ONECUT2: variants seen among roughly 807,000 people sequenced by gnomAD.
ONECUT2 encodes one cut domain family member 2.
ONECUT2 carries 10 observed loss-of-function variants against 27.9 expected under a neutral mutation model. The observed-to-expected ratio is 0.36, with a 90% confidence interval of 0.22 to 0.61. The LOEUF (loss-of-function observed/expected upper bound fraction) is 0.61, where lower values mean the gene tolerates loss of function less well. Among genes scored for constraint, ONECUT2 ranks in the 20% least tolerant of loss-of-function variants. The pLI, the probability that ONECUT2 is intolerant of heterozygous loss-of-function variation, is 0.73. For missense variants in ONECUT2, 686 were observed against 721.0 expected, an observed-to-expected ratio of 0.95 and a Z score of 0.56; for synonymous variants, 334 against 315.1, an observed-to-expected ratio of 1.06 and a Z score of -0.64.
intron 1 of ONECUT2, among the ~76,000 whole-genome samples, chr18:57,466,256 G>T (rs1169620771): frequency 6.6e-6 from 1 of 152,208 alleles, no homozygotes; most frequent in Non-Finnish European, 1.5e-5. Flanking sequence ...GGAGGACTCA[G>T]ATGTTATTTT....
chr18:57,476,481 T>C lies in ONECUT2; in HGVS notation c.1273T>C (p.Ser425Pro). The C allele has an allele frequency of 6.2e-6, 10 of 1,614,238 alleles. No homozygotes were observed. The highest frequency in any genetic ancestry group is 6.8e-6 in the Non-Finnish European group (8 of 1,180,042). Residue 425 changes from serine to proline, a missense_variant, in exon 2 of 2, where the codon TCC (serine) becomes CCC (proline). Transcript: ENST00000491143. ...AGAACCAAACAAAGACAGGAACAAT[T>C]CCCAGAAGAAGTCCCGCCTGGTGTT... Reference protein sequence around the residue: ...EQEPNKDRNNSQKKSRLVFTD... With the variant: ...EQEPNKDRNNPQKKSRLVFTD...
chr18:57,449,676 TCTC>T (rs1437098922), intron 1 of ONECUT2, among the ~76,000 whole-genome samples: 2 of 152,132 alleles, frequency 1.3e-5, no homozygotes, highest in Non-Finnish European at 2.9e-5. Flanking sequence ...GTCAGTCAGT[TCTC>T]CTCGTTTTCC....
intron 1 of ONECUT2, among the ~76,000 whole-genome samples, chr18:57,469,321 A>G (rs941707925): frequency 6.6e-6 from 1 of 152,180 alleles, no homozygotes; most frequent in African/African-American, 2.4e-5. Flanking sequence ...GTCTGCTGAC[A>G]AATGCACACC....
At position 57,476,829 on chromosome 18, in the gene ONECUT2, G is replaced by A; in HGVS notation, c.*106G>A. 8.0e-7 allele frequency: 1 copy of A among 1,255,230 alleles called. No individual in the cohort carries two copies. The highest frequency in any genetic ancestry group is 1.1e-6 in the Non-Finnish European group (1 of 917,528). 77.8% of individuals were successfully genotyped at this position (1,255,230 alleles called of 1,614,324 possible). A position where few individuals can be genotyped will look rare whatever the true frequency, so the allele number is the denominator to read the frequency against. ...GGATTCCTAGCTGGGGCCCTTCACT[G>A]GTGATTTGAAAGCACAATTCTCTTG... On this transcript the variant is annotated 3_prime_UTR_variant, in exon 2 of 2. Coordinates refer to ENST00000491143, the MANE Select transcript of ONECUT2 (RefSeq NM_004852.3).
intron 1 of ONECUT2, among the ~76,000 whole-genome samples, chr18:57,464,019 CT>C (rs1448331188): frequency 2.7e-5 from 4 of 150,692 alleles, no homozygotes; most frequent in Non-Finnish European, 4.4e-5. Context: ...CTCATATTAA[CT>C]TATAATTATG....
rs1436770596 is a variant in ONECUT2 at position 57,480,660 on chromosome 18, G to T, written c.*3937G>T. The T allele has an allele frequency of 3.3e-5, 5 of 151,384 alleles. No homozygotes were observed. The highest frequency in any genetic ancestry group is 7.4e-5 in the Non-Finnish European group (5 of 67,964). The allele number at this position is 151,384 out of a possible 1,614,324, so 9.4% of individuals were successfully genotyped here. A position where few individuals can be genotyped will look rare whatever the true frequency, so the allele number is the denominator to read the frequency against. The stretch of plus-strand genomic sequence containing the variant: ...AGATAATGTCATACCAGAGAAAAGT[G>T]CTTGCTTTTAGAAAATTATTTACAT... On this transcript the variant is annotated 3_prime_UTR_variant, in exon 2 of 2. Coordinates refer to ENST00000491143, the MANE Select transcript of ONECUT2 (RefSeq NM_004852.3).
At chr18:57,446,940 C>A (rs148472623) in intron 1 of ONECUT2, among the ~76,000 whole-genome samples, 1 of 152,238 alleles carries the variant, frequency 6.6e-6, no homozygotes, top group Non-Finnish European at 1.5e-5. Context: ...AGGGCTGTGC[C>A]AACTGTAAGG....
In ONECUT2 at chr18:57,436,277, G is replaced by A. The variant is rs911829005; in HGVS notation, c.561G>A (p.Leu187=). 6.2e-7 allele frequency: 1 copy of A among 1,604,444 alleles called. No homozygotes were observed. The highest frequency in any genetic ancestry group is 1.3e-5 in the African/African-American group (1 of 74,802). Residue 187 remains leucine, a synonymous_variant, in exon 1 of 2, where the codon CTG becomes CTA. Coordinates refer to ENST00000491143, the MANE Select transcript of ONECUT2 (RefSeq NM_004852.3). The surrounding 1 kb of genome is among the most constrained non-coding windows in gnomAD (Gnocchi z 5.9). ...ACCACCACCACCACCACCAGCGCCT[G>A]TCCGGCAACGTCAGCGGCAGCTTCA... The part of the protein sequence containing the change: ...HHHHHHHHQR[L]SGNVSGSFTL...
rs1252641142 is a variant in ONECUT2 at position 57,490,939 on chromosome 18, A to G, written c.*14216A>G. On this transcript the variant is annotated 3_prime_UTR_variant, in exon 2 of 2. Transcript: ENST00000491143. ...ATTACCGTCTTTCACCCTGCGCTAT[A>G]TTTCCAAAGTGTATTATAATCCAGA... 1 of 152,612 alleles carries G rather than the reference A, an allele frequency of 6.6e-6. No homozygotes were observed. Among genetic ancestry groups the G allele is most frequent in the Non-Finnish European group, 1.5e-5 (1 of 68,042 alleles). The allele number at this position is 152,612 out of a possible 1,614,324, so 9.5% of individuals were successfully genotyped here.
At chr18:57,447,196 T>G (rs2050204569) in intron 1 of ONECUT2, among the ~76,000 whole-genome samples, 1 of 152,220 alleles carries the variant, frequency 6.6e-6, no homozygotes, top group African/African-American at 2.4e-5. Context: ...ATTTCCACAC[T>G]TGCTTCACAT....
intron 1 of ONECUT2, among the ~76,000 whole-genome samples, chr18:57,467,007 C>T (rs567562516): frequency 6.6e-6 from 1 of 152,380 alleles, no homozygotes; most frequent in Admixed American, 6.5e-5. Flanking sequence ...CCTGGGAGAT[C>T]TGCCCACCAG....
chr18:57,445,083 C>G (rs2050194437), intron 1 of ONECUT2, among the ~76,000 whole-genome samples: 1 of 152,050 alleles, frequency 6.6e-6, no homozygotes, highest in Non-Finnish European at 1.5e-5. Flanking sequence ...GTCTCAGGAA[C>G]ATCATTTTCT....
chr18:57,457,430 A>G (rs565619465), intron 1 of ONECUT2, among the ~76,000 whole-genome samples: 6 of 152,264 alleles, frequency 3.9e-5, no homozygotes, highest in African/African-American at 1.4e-4. Flanking sequence ...CCCAGGTTCT[A>G]GAAGATGTTA....
At position 57,486,477 on chromosome 18, in the gene ONECUT2, T is replaced by C. The variant is rs2050439011; in HGVS notation, c.*9754T>C. 1.3e-5 allele frequency: 2 copies of C among 152,638 alleles called. No individual in the cohort carries two copies. Among genetic ancestry groups the C allele is most frequent in the South Asian group, 4.1e-4 (2 of 4,832 alleles). The allele number at this position is 152,638 out of a possible 1,614,324, so 9.5% of individuals were successfully genotyped here. A position where few individuals can be genotyped will look rare whatever the true frequency, so the allele number is the denominator to read the frequency against. On this transcript the variant is annotated 3_prime_UTR_variant, in exon 2 of 2. Transcript: ENST00000491143. ...AGCTTTACTATGAACCTGGGCATGTTGGCAATGCAGACCGCGCAATTCCTT... is the reference window on the plus strand; with the variant it reads ...AGCTTTACTATGAACCTGGGCATGTCGGCAATGCAGACCGCGCAATTCCTT...
chr18:57,468,530 A>G (rs534100064), intron 1 of ONECUT2, among the ~76,000 whole-genome samples: 8 of 152,230 alleles, frequency 5.3e-5, no homozygotes, highest in Non-Finnish European at 1.2e-4. Context: ...TTTAGGGAGC[A>G]CAAAATAATC....
intron 1 of ONECUT2, among the ~76,000 whole-genome samples, chr18:57,464,123 A>G (rs572603329): frequency 6.6e-6 from 1 of 152,142 alleles, no homozygotes; most frequent in Non-Finnish European, 1.5e-5. Context: ...TTTACTATGT[A>G]ACTTTAAGTA....
At chr18:57,466,412 A>T (rs761424080) in intron 1 of ONECUT2, among the ~76,000 whole-genome samples, 17 of 152,234 alleles carry the variant, frequency 1.1e-4, no homozygotes, top group Non-Finnish European at 1.9e-4. Context: ...GGACTTCGAG[A>T]TGATTTTAGC....
chr18:57,460,208 C>T (rs904250007), intron 1 of ONECUT2, among the ~76,000 whole-genome samples: 1 of 152,150 alleles, frequency 6.6e-6, no homozygotes, highest in African/African-American at 2.4e-5. Flanking sequence ...TAGGCGTGAG[C>T]CACCATGCCT....
chr18:57,489,950 C>T lies in ONECUT2; in HGVS notation c.*13227C>T, dbSNP rs375257545. The T allele has an allele frequency of 1.3e-5, 2 of 152,188 alleles. No homozygotes were observed. The highest frequency in any genetic ancestry group is 6.5e-5 in the Admixed American group (1 of 15,290). 9.4% of individuals were successfully genotyped at this position (152,188 alleles called of 1,614,324 possible). A position where few individuals can be genotyped will look rare whatever the true frequency, so the allele number is the denominator to read the frequency against. ...TGGTTTCTCTTTTAATTCGTATCTT[C>T]GATCACCTAACCTTTCTCAATCCAA... is the stretch of plus-strand genomic sequence containing the variant. On this transcript the variant is annotated 3_prime_UTR_variant, in exon 2 of 2. Transcript: ENST00000491143.
Sources: allele counts gnomAD v4.1 joint callset (sites outside exome capture counted in the v4.1 genomes callset), GRCh38; gene constraint gnomAD v4.1.1; non-coding constraint Gnocchi (gnomAD v3.1); transcripts MANE v1.5; gene names NCBI Gene and HGNC (gene_info 2026-07-23, HGNC 2026-07-21).